HOXB2: variants seen among roughly 807,000 people sequenced by gnomAD.
The protein encoded by HOXB2 is homeobox protein Hox-B2.
Under a neutral mutation model 13.1 loss-of-function variants are expected in HOXB2, and 14 were observed. That is an observed-to-expected ratio of 1.07 (90% CI 0.71 to 1.67). The LOEUF (loss-of-function observed/expected upper bound fraction) is 1.67, where lower values mean the gene tolerates loss of function less well. HOXB2 is among the 40% of genes most tolerant of loss of function. HOXB2 has a pLI of 0.00. For synonymous variants in HOXB2, 261 were observed against 233.1 expected, an observed-to-expected ratio of 1.12 and a Z score of -1.09; for missense variants, 582 against 488.3, an observed-to-expected ratio of 1.19 and a Z score of -1.81.
At position 48,544,936 on chromosome 17, in the gene HOXB2, CT is replaced by C; in HGVS notation, c.-26del. 1 of 695,916 alleles carries C rather than the reference CT, an allele frequency of 1.4e-6. No homozygotes were observed. 43.1% of individuals were successfully genotyped at this position (695,916 alleles called of 1,614,324 possible). On this transcript the variant is annotated 5_prime_UTR_variant, in exon 1 of 2. Coordinates refer to ENST00000330070, the MANE Select transcript of HOXB2 (RefSeq NM_002145.4). The stretch of plus-strand genomic sequence containing the variant: ...TGGCTTTCAATGGTGGGGGAGGGGG[CT>C]GCTGGGGGGGGCGTCAGGAGGGAGG...
intron 1 of HOXB2, 55 bp downstream of exon 1, chr17:48,544,466 T>A (rs56128659): frequency 0.18 from 274,056 of 1,521,990 alleles, 25,881 homozygotes; most frequent in Non-Finnish European, 0.19. Flanking sequence ...CTTCCACTGC[T>A]TTTTCTCCCC....
In HOXB2 at chr17:48,543,406, AG is replaced by A; in HGVS notation, c.732del (p.Cys245AlafsTer12). 6.3e-7 allele frequency: 1 copy of A among 1,583,810 alleles called. No individual in the cohort carries two copies. Among genetic ancestry groups the A allele is most frequent in the Non-Finnish European group, 8.6e-7 (1 of 1,168,222 alleles). Reference protein sequence around the residue: ...GPSASRAAWEACCHPPEVVPG... With the variant: ...GPSASRAAWEXCCHPPEVVPG... ...GGCACCACCTCCGGCGGGTGACAGC[AG>A]GCTTCCCACGCCGCCCGCGAGGCGG... On this transcript the variant is annotated frameshift_variant, in exon 2 of 2. Transcript: ENST00000330070. LOFTEE classifies it low-confidence loss of function (END_TRUNC).
chr17:48,544,943 G>T lies in HOXB2; in HGVS notation c.-32C>A. The T allele has an allele frequency of 1.4e-6, 2 of 1,402,620 alleles. No individual in the cohort carries two copies. Among genetic ancestry groups the T allele is most frequent in the Non-Finnish European group, 1.9e-6 (2 of 1,043,080 alleles). 86.9% of individuals were successfully genotyped at this position (1,402,620 alleles called of 1,614,324 possible). On this transcript the variant is annotated 5_prime_UTR_variant, in exon 1 of 2. Transcript: ENST00000330070. ...CAATGGTGGGGGAGGGGGCTGCTGG[G>T]GGGGGCGTCAGGAGGGAGGATCGGA...
rs1598739796 is a variant in HOXB2 at position 48,544,946 on chromosome 17, G to T, written c.-35C>A. 4 of 1,395,494 alleles carry T rather than the reference G, an allele frequency of 2.9e-6. No homozygotes were observed. The highest frequency in any genetic ancestry group is 1.5e-5 in the South Asian group (1 of 68,942). The allele number at this position is 1,395,494 out of a possible 1,614,324, so 86.4% of individuals were successfully genotyped here. A position where few individuals can be genotyped will look rare whatever the true frequency, so the allele number is the denominator to read the frequency against. ...TGGTGGGGGAGGGGGCTGCTGGGGG[G>T]GGCGTCAGGAGGGAGGATCGGAAGG... On this transcript the variant is annotated 5_prime_UTR_variant, in exon 1 of 2. Coordinates refer to ENST00000330070, the MANE Select transcript of HOXB2 (RefSeq NM_002145.4).
In HOXB2 at chr17:48,543,619, C is replaced by G. The variant is rs1231603257; in HGVS notation, c.520G>C (p.Val174Leu). 1 of 1,613,662 alleles carries G rather than the reference C, an allele frequency of 6.2e-7. No homozygotes were observed. Among genetic ancestry groups the G allele is most frequent in the South Asian group, 1.1e-5 (1 of 91,074 alleles). ...FNKYLCRPRR[V>L]EIAALLDLTE... Reference sequence around the variant, plus strand: ...AGGTCCAGCAAGGCCGCGATCTCGACGCGGCGTGGCCGGCACAGGTACTTA... The same window carrying G: ...AGGTCCAGCAAGGCCGCGATCTCGAGGCGGCGTGGCCGGCACAGGTACTTA... Residue 174 changes from valine (V) to leucine (L), a missense_variant, in exon 2 of 2, where the codon GTC (valine) becomes CTC (leucine). Val to Leu is a conservative substitution (Grantham distance 32, BLOSUM62 1). Transcript: ENST00000330070.
Position 48,545,026 on chromosome 17 carries a change from GA to G in HOXB2, c.-116del, listed in dbSNP as rs1200202438. On this transcript the variant is annotated 5_prime_UTR_variant, in exon 1 of 2. Coordinates refer to ENST00000330070, the MANE Select transcript of HOXB2 (RefSeq NM_002145.4). ...TGTAATGGAGCGATTTTGGGAGGGG[GA>G]GATTTCGGTCTCTCTTTTTTTTAAT... 3.3e-6 allele frequency: 3 copies of G among 917,116 alleles called. No homozygotes were observed. In the African/African-American group the frequency reaches 5.1e-5, roughly 15 times the overall value. The allele number at this position is 917,116 out of a possible 1,614,324, so 56.8% of individuals were successfully genotyped here. A position where few individuals can be genotyped will look rare whatever the true frequency, so the allele number is the denominator to read the frequency against.
intron 1 of HOXB2, 64 bp from the exon 2 acceptor site, chr17:48,543,811 T>C: frequency 6.7e-7 from 1 of 1,497,926 alleles, no homozygotes; most frequent in South Asian, 1.3e-5. Context: ...CAGTTCGGAC[T>C]ACCCCATCCT....
At position 48,543,416 on chromosome 17, in the gene HOXB2, C is replaced by T. The variant is rs1567936477; in HGVS notation, c.723G>A (p.Ala241=). ...SPGGPSASRA[A]WEACCHPPEV... ...CCGGCGGGTGACAGCAGGCTTCCCA[C>T]GCCGCCCGCGAGGCGGAGGGGCCGC... The change falls in exon 2 of 2, where the codon GCG becomes GCA. Residue 241 remains alanine (A), a synonymous_variant. Coordinates refer to ENST00000330070, the MANE Select transcript of HOXB2 (RefSeq NM_002145.4). The T allele has an allele frequency of 6.3e-7, 1 of 1,583,676 alleles. No homozygotes were observed. Among genetic ancestry groups the T allele is most frequent in the Non-Finnish European group, 8.6e-7 (1 of 1,168,152 alleles).
Position 48,543,091 on chromosome 17 carries a change from C to A in HOXB2, c.1048G>T (p.Ala350Ser). 1 of 1,609,728 alleles carries A rather than the reference C, an allele frequency of 6.2e-7. No individual in the cohort carries two copies. Residue 350 changes from alanine (A) to serine (S), a missense_variant, in exon 2 of 2, where the codon GCC (alanine) becomes TCC (serine). Physicochemically the swap from Ala to Ser is moderately conservative, Grantham distance 99. Coordinates refer to ENST00000330070, the MANE Select transcript of HOXB2 (RefSeq NM_002145.4). ...GGTTAGGGAAACTGCAGGTCGATGG[C>A]ACAGAGCGTACTGGTGAAAAAATCC... is the stretch of plus-strand genomic sequence containing the variant. ...ELDFFTSTLC[A>S]IDLQFP
In HOXB2 at chr17:48,545,011, C is replaced by A. The variant is rs111401880; in HGVS notation, c.-100G>T. Reference sequence around the variant, plus strand: ...ACCCCCCCCGATTTATGTAATGGAGCGATTTTGGGAGGGGGAGATTTCGGT... The same window carrying A: ...ACCCCCCCCGATTTATGTAATGGAGAGATTTTGGGAGGGGGAGATTTCGGT... On this transcript the variant is annotated 5_prime_UTR_variant, in exon 1 of 2. Transcript: ENST00000330070. The A allele has an allele frequency of 8.9e-6, 10 of 1,127,812 alleles. No individual in the cohort carries two copies. The highest frequency in any genetic ancestry group is 1.2e-5 in the Non-Finnish European group (10 of 816,596). 69.9% of individuals were successfully genotyped at this position (1,127,812 alleles called of 1,614,324 possible). A position where few individuals can be genotyped will look rare whatever the true frequency, so the allele number is the denominator to read the frequency against.
At position 48,543,421 on chromosome 17, in the gene HOXB2, C is replaced by T. The variant is rs1357133735; in HGVS notation, c.718G>A (p.Ala240Thr). The change falls in exon 2 of 2, where the codon GCG (alanine) becomes ACG (threonine). Residue 240 changes from alanine (A) to threonine (T), a missense_variant. Coordinates refer to ENST00000330070, the MANE Select transcript of HOXB2 (RefSeq NM_002145.4). ...ASPGGPSASR[A>T]AWEACCHPPE... ...GGGTGACAGCAGGCTTCCCACGCCG[C>T]CCGCGAGGCGGAGGGGCCGCCCGGG... 6.3e-7 allele frequency: 1 copy of T among 1,586,586 alleles called. No individual in the cohort carries two copies. The highest frequency in any genetic ancestry group is 1.1e-5 in the South Asian group (1 of 88,530).
chr17:48,542,749 T>C lies in HOXB2; in HGVS notation c.*319A>G, dbSNP rs1042818. ...ATTATTAAAGAATTTTAATAAATAA[T>C]CTACAGTCTAAAACATAAAAAAGAG... On this transcript the variant is annotated 3_prime_UTR_variant, in exon 2 of 2. Transcript: ENST00000330070. 34,158 of 214,948 alleles carry C rather than the reference T, an allele frequency of 0.16. 3,097 individuals are homozygous for C. Among genetic ancestry groups the C allele is most frequent in the Non-Finnish European group, 0.19 (21,050 of 109,966 alleles). 13.3% of individuals were successfully genotyped at this position (214,948 alleles called of 1,614,324 possible). A position where few individuals can be genotyped will look rare whatever the true frequency, so the allele number is the denominator to read the frequency against.
intron 1 of HOXB2, chr17:48,544,314 A>G: frequency 7.2e-7 from 1 of 1,388,136 alleles, no homozygotes. Flanking sequence ...CCATAGGGAG[A>G]GAAAGAGAGA....
At position 48,543,730 on chromosome 17, in the gene HOXB2, C is replaced by T. The variant is rs761973080; in HGVS notation, c.409G>A (p.Glu137Lys). The stretch of plus-strand genomic sequence containing the variant: ...CTGCGCGCCCCGCCGCCACCAGCCT[C>T]CGGCAGTCCCAGGCCATCTGCAGGG... ...GSPADGLGLP[E>K]AGGGGARRLR... Residue 137 changes from glutamate to lysine, a missense_variant, in exon 2 of 2, where the codon GAG becomes AAG. Glu to Lys is a moderately conservative substitution (Grantham distance 56). Transcript: ENST00000330070. 11 of 1,605,872 alleles carry T rather than the reference C, an allele frequency of 6.8e-6. No homozygotes were observed. The East Asian group carries it at 2.0e-4, about 29-fold the overall frequency.
intron 1 of HOXB2, chr17:48,544,068 C>T (rs1045266476): frequency 2.0e-6 from 2 of 985,200 alleles, no homozygotes; most frequent in Admixed American, 6.2e-5. Context: ...CGGAACTTTC[C>T]AACTCAACCG....
intron 1 of HOXB2, 49 bp from the exon 2 acceptor site, chr17:48,543,796 A>G (rs2068533090): frequency 3.3e-6 from 5 of 1,534,032 alleles, no homozygotes; most frequent in Non-Finnish European, 4.4e-6. Context: ...TACTCAGCCC[A>G]ACCTCAGTTC....
In HOXB2 at chr17:48,543,323, C is replaced by A. The variant is rs377569271; in HGVS notation, c.816G>T (p.Ala272=). The A allele has an allele frequency of 2.6e-4, 415 of 1,599,254 alleles. 3 individuals carry two copies. The Middle Eastern group carries it at 3.2e-3, about 13-fold the overall frequency. ...PLAVRLEGAG[A]SSPGCALRGA... is the part of the protein sequence containing the mutation. ...CGCGCAGCGCGCAGCCGGGACTCGACGCGCCTGCGCCCTCTAAGCGAACGG... is the reference window on the plus strand; with the variant it reads ...CGCGCAGCGCGCAGCCGGGACTCGAAGCGCCTGCGCCCTCTAAGCGAACGG... Residue 272 remains alanine, a synonymous_variant, in exon 2 of 2, where the codon GCG becomes GCT. Transcript: ENST00000330070.
At position 48,544,525 on chromosome 17, in the gene HOXB2, A is replaced by G; in HGVS notation, c.387T>C (p.Pro129=). Residue 129 remains proline, a synonymous_variant, in exon 1 of 2, where the codon CCT becomes CCC. Transcript: ENST00000330070. ...SAVPASGVGS[P]ADGLGLPEAG... is the part of the protein sequence containing the mutation. The stretch of plus-strand genomic sequence containing the variant: ...ACCCCCACCACGCTTACCGACCTGC[A>G]GGCGATCCGACCCCGGAGGCCGGAA... The G allele has an allele frequency of 6.2e-7, 1 of 1,602,470 alleles. No individual in the cohort carries two copies. Among genetic ancestry groups the G allele is most frequent in the South Asian group, 1.1e-5 (1 of 90,376 alleles).
At position 48,545,063 on chromosome 17, in the gene HOXB2, T is replaced by G; in HGVS notation, c.-152A>C. On this transcript the variant is annotated 5_prime_UTR_variant, in exon 1 of 2. Coordinates refer to ENST00000330070, the MANE Select transcript of HOXB2 (RefSeq NM_002145.4). The stretch of plus-strand genomic sequence containing the variant: ...TCTCTTTTTTTTAATTTTGGGCCTT[T>G]ATAATTGTATATTGCTGATAAATAC... The G allele has an allele frequency of 1.6e-6, 1 of 615,520 alleles. No homozygotes were observed. The highest frequency in any genetic ancestry group is 2.8e-6 in the Non-Finnish European group (1 of 361,690). The allele number at this position is 615,520 out of a possible 1,614,324, so 38.1% of individuals were successfully genotyped here.
Sources: allele counts gnomAD v4.1 joint callset, GRCh38; gene constraint gnomAD v4.1.1; transcripts MANE v1.5; gene names NCBI Gene and HGNC (gene_info 2026-07-23, HGNC 2026-07-21).